The following DNAJC13 variants were observed in gnomAD, a reference collection of about 807,000 sequenced individuals.
The protein encoded by DNAJC13 is DnaJ heat shock protein family (Hsp40) member C13.
DNAJC13 carries 75 observed loss-of-function variants against 290.5 expected under a neutral mutation model. The ratio of observed to expected loss-of-function variants is 0.26; its 90% CI spans 0.21 to 0.31. The LOEUF is 0.31. Ranked by LOEUF, DNAJC13 falls within the 10% of genes least tolerant of loss-of-function variation. DNAJC13 has a pLI of 1.00. For synonymous variants in DNAJC13, 862 were observed against 892.0 expected (o/e 0.97, Z 0.60); for missense variants, 2,260 against 2,674.5 (o/e 0.85, Z 3.42).
intron 22 of DNAJC13, 51 bp downstream of exon 22, chr3:132,475,136 T>C (rs770348715): frequency 1.4e-6 from 2 of 1,386,656 alleles, no homozygotes. Context: ...AAGCATGTAC[T>C]ATTTGGGGAG....
At chr3:132,534,614 C>T (rs527939161) in intron 55 of DNAJC13, among the ~76,000 whole-genome samples, 2 of 152,222 alleles carry the variant, frequency 1.3e-5, no homozygotes, top group South Asian at 4.1e-4. Flanking sequence ...CCACCACACT[C>T]CAGCCTGGGC....
rs746729828 is a variant in DNAJC13 at position 132,502,284 on chromosome 3, C to T, written c.4537-5C>T. ...CAACTAATGCTCTCATTTTTATTCT[C>T]TCAGAGTATTCCCCGCGTAGCTGCT... On this transcript the variant is annotated splice_region_variant and splice_polypyrimidine_tract_variant and intron_variant, in intron 39 of 55. Coordinates refer to ENST00000260818, the MANE Select transcript of DNAJC13 (RefSeq NM_015268.4). 1 of 1,592,522 alleles carries T rather than the reference C, an allele frequency of 6.3e-7. No individual in the cohort carries two copies.
intron 2 of DNAJC13, among the ~76,000 whole-genome samples, chr3:132,443,499 T>C (rs927718449): frequency 6.6e-6 from 1 of 152,234 alleles, no homozygotes; most frequent in Non-Finnish European, 1.5e-5. Context: ...ATTCTATACA[T>C]GCGAGACATT....
At chr3:132,420,358 T>A (rs915189961) in intron 1 of DNAJC13, among the ~76,000 whole-genome samples, 1 of 152,140 alleles carries the variant, frequency 6.6e-6, no homozygotes, top group Non-Finnish European at 1.5e-5. Context: ...GAGAAGGGTA[T>A]CTCTGTTGGC....
In DNAJC13 at chr3:132,506,045, C is replaced by CTTTTTTTTTTTTTTTTT. The variant is rs573857472; in HGVS notation, c.4998+637_4998+653dup. On this transcript the variant is annotated intron_variant, in intron 42 of 55. Transcript: ENST00000260818. ...CGGGTCTTACATGTCTGTACATTAT[C>CTTTTTTTTTTTTTTTTT]TTTTTTTTTTTTTTTTTTTTTTTGA... Among the ~76,000 whole-genome samples, 10 of 72,646 alleles carry CTTTTTTTTTTTTTTTTT rather than the reference C, an allele frequency of 1.4e-4. 2 individuals are homozygous for CTTTTTTTTTTTTTTTTT. Among genetic ancestry groups the CTTTTTTTTTTTTTTTTT allele is most frequent in the Non-Finnish European group, 2.2e-4 (8 of 36,954 alleles). The allele number at this position is 72,646 out of a possible 152,430, so 47.7% of individuals were successfully genotyped here. A position where few individuals can be genotyped will look rare whatever the true frequency, so the allele number is the denominator to read the frequency against.
chr3:132,476,662 T>A (rs1483406057), intron 22 of DNAJC13, among the ~76,000 whole-genome samples: 1 of 152,148 alleles, frequency 6.6e-6, no homozygotes, highest in African/African-American at 2.4e-5. Flanking sequence ...ATCCTACTCC[T>A]CCCTCTCTCA....
At chr3:132,428,997 T>G (rs928807871) in intron 1 of DNAJC13, among the ~76,000 whole-genome samples, 1 of 152,248 alleles carries the variant, frequency 6.6e-6, no homozygotes, top group African/African-American at 2.4e-5. Context: ...CCTCCCAAAG[T>G]GCCAGGATTA....
At chr3:132,463,152 C>T (rs1039739721) in intron 16 of DNAJC13, among the ~76,000 whole-genome samples, 1 of 152,158 alleles carries the variant, frequency 6.6e-6, no homozygotes, top group Non-Finnish European at 1.5e-5. Context: ...AAGAAAGTCT[C>T]CTTTTACCAA....
In DNAJC13 at chr3:132,478,046, T is replaced by C. The variant is rs775159696; in HGVS notation, c.2615T>C (p.Leu872Ser). ...ACCCCAAAAGTAAACATGAAGTGTT[T>C]ATGTTTACAAGCCCTTGCTATTGTT... Reference protein sequence around the residue: ...LLTPKVNMKCLCLQALAIVYG... With the variant: ...LLTPKVNMKCSCLQALAIVYG... The change falls in exon 24 of 56, where the codon TTA becomes TCA. Residue 872 changes from leucine (L) to serine (S), a missense_variant. Physicochemically the swap from Leu to Ser is moderately radical, Grantham distance 145. Transcript: ENST00000260818. 2.5e-6 allele frequency: 4 copies of C among 1,613,666 alleles called. No individual in the cohort carries two copies. The Admixed American group carries it at 5.0e-5, about 20-fold the overall frequency.
rs376992985 is a variant in DNAJC13 at position 132,489,027 on chromosome 3, C to T, written c.3468+6C>T. The T allele has an allele frequency of 1.2e-6, 2 of 1,608,978 alleles. No homozygotes were observed. The highest frequency in any genetic ancestry group is 1.3e-5 in the African/African-American group (1 of 74,858). Reference sequence around the variant, plus strand: ...AGGCTTTCAAGTCAGAAGAGGTAAGCCAGGTTAATCCTCTGAATACTTAAC... The same window carrying T: ...AGGCTTTCAAGTCAGAAGAGGTAAGTCAGGTTAATCCTCTGAATACTTAAC... On this transcript the variant is annotated splice_donor_region_variant and intron_variant, in intron 31 of 55. Transcript: ENST00000260818.
chr3:132,518,318 A>C (rs1935983585), intron 48 of DNAJC13, among the ~76,000 whole-genome samples: 1 of 152,204 alleles, frequency 6.6e-6, no homozygotes, highest in African/African-American at 2.4e-5. Context: ...AAGTATCAAC[A>C]CCTTAATTGC....
At position 132,513,305 on chromosome 3, in the gene DNAJC13, A is replaced by G. The variant is rs758773305; in HGVS notation, c.5385+206A>G. On this transcript the variant is annotated intron_variant, in intron 45 of 55. Coordinates refer to ENST00000260818, the MANE Select transcript of DNAJC13 (RefSeq NM_015268.4). ...TGCACAATTGCACAATGTCGTTCTA[A>G]GTGGTTCTCTTTCTGTTATGCGTTA... Among the ~76,000 whole-genome samples, 14 of 152,178 alleles carry G rather than the reference A, an allele frequency of 9.2e-5. No homozygotes were observed. The highest frequency in any genetic ancestry group is 1.8e-4 in the Non-Finnish European group (12 of 68,024).
chr3:132,424,878 A>G (rs751841204), intron 1 of DNAJC13, among the ~76,000 whole-genome samples: 1 of 152,124 alleles, frequency 6.6e-6, no homozygotes, highest in Non-Finnish European at 1.5e-5. Flanking sequence ...CATTTAGAAG[A>G]AAATGCTTTT....
chr3:132,537,582 A>G (rs993950953), intron 55 of DNAJC13, among the ~76,000 whole-genome samples: 2 of 152,234 alleles, frequency 1.3e-5, no homozygotes, highest in African/African-American at 4.8e-5. Context: ...ATCAAGGGAG[A>G]AATATAAGAC....
At chr3:132,518,663 T>C (rs1935995615) in intron 48 of DNAJC13, among the ~76,000 whole-genome samples, 1 of 152,152 alleles carries the variant, frequency 6.6e-6, no homozygotes, top group Non-Finnish European at 1.5e-5. Flanking sequence ...GCCAAATTTT[T>C]TTTTCCTTTT....
intron 1 of DNAJC13, among the ~76,000 whole-genome samples, chr3:132,421,793 C>T (rs1029297757): frequency 4.6e-5 from 7 of 152,012 alleles, no homozygotes; most frequent in African/African-American, 1.7e-4. Context: ...ACATTGGTGA[C>T]TCAAATACCA....
chr3:132,420,745 CTA>C (rs1403827856), intron 1 of DNAJC13, among the ~76,000 whole-genome samples: 9 of 152,104 alleles, frequency 5.9e-5, no homozygotes, highest in Admixed American at 5.9e-4. Context: ...CTGAGGATAA[CTA>C]TGGCAAAAAC....
In DNAJC13 at chr3:132,523,547, A is replaced by G. The variant is rs569025407; in HGVS notation, c.5894A>G (p.Glu1965Gly). 2 of 1,610,910 alleles carry G rather than the reference A, an allele frequency of 1.2e-6. No homozygotes were observed. Among genetic ancestry groups the G allele is most frequent in the South Asian group, 2.2e-5 (2 of 90,214 alleles). ...DNPEANWKLP[E>G]DFAVVFGEAE... ...TTCTTTCTCTATTTAAAGTTGCCTG[A>G]AGATTTTGCTGTGGTGTTTGGAGAA... The change falls in exon 51 of 56, where the codon GAA becomes GGA. Residue 1965 changes from glutamate to glycine, a missense_variant. Around this residue, in one of 3 missense-constraint regions of DNAJC13, gnomAD observed 1,494 missense variants for 1,693.7 expected, o/e 0.88. Coordinates refer to ENST00000260818, the MANE Select transcript of DNAJC13 (RefSeq NM_015268.4).
At chr3:132,499,665 A>T in intron 37 of DNAJC13, 69 bp from the exon 38 acceptor site, 1 of 1,243,048 alleles carries the variant, frequency 8.0e-7, no homozygotes, top group Non-Finnish European at 1.2e-6. Flanking sequence ...ATATTTTATT[A>T]CTGCTAGAAA....
Sources: gnomAD v4.1 joint callset for allele counts (sites outside exome capture counted in the v4.1 genomes callset) on GRCh38, gnomAD v4.1.1 for gene constraint, gnomAD v4.1.1 regional missense constraint, MANE v1.5 for transcripts, NCBI Gene and HGNC (gene_info 2026-07-23, HGNC 2026-07-21) for gene names.